The following WWOX variants were observed in gnomAD, a reference collection of about 807,000 sequenced individuals.
The protein encoded by WWOX is WW domain-containing oxidoreductase.
Under a neutral mutation model 46.2 loss-of-function variants are expected in WWOX, and 69 were observed. The observed-to-expected ratio is 1.49, with a 90% confidence interval of 1.23 to 1.82. WWOX has a LOEUF of 1.82. Ranked by LOEUF, WWOX falls within the 40% of genes most tolerant of loss-of-function variation. WWOX has a pLI of 0.00. For synonymous variants in WWOX, 359 were observed against 202.6 expected (o/e 1.77, Z -6.56); for missense variants, 919 against 542.6 (o/e 1.69, Z -6.89).
chr16:78,624,992 C>T (rs563688464), intron 8 of WWOX, among the ~76,000 whole-genome samples: 1 of 152,140 alleles, frequency 6.6e-6, no homozygotes, highest in Non-Finnish European at 1.5e-5. Context: ...TCCCCGCTGA[C>T]CCTGAGTTCT....
Position 78,691,884 on chromosome 16 carries a change from G to A in WWOX, c.1056+259132G>A, listed in dbSNP as rs1285771287. On this transcript the variant is annotated intron_variant, in intron 8 of 8. Transcript: ENST00000566780. ...TCCCACATGTTGTGGGAGGGACCCAGGGGGAGGTAATTGAATCATGGGGCC... is the reference window on the plus strand; with the variant it reads ...TCCCACATGTTGTGGGAGGGACCCAAGGGGAGGTAATTGAATCATGGGGCC... Among the ~76,000 whole-genome samples, 4 of 152,288 alleles carry A rather than the reference G, an allele frequency of 2.6e-5. No individual in the cohort carries two copies. In the South Asian group the frequency reaches 8.3e-4, roughly 32 times the overall value.
At chr16:79,086,156 T>C (rs1272955962) in intron 8 of WWOX, among the ~76,000 whole-genome samples, 1 of 152,150 alleles carries the variant, frequency 6.6e-6, no homozygotes, top group Admixed American at 6.5e-5. Flanking sequence ...TTTAAACGGA[T>C]CACATTGCCA....
intron 8 of WWOX, among the ~76,000 whole-genome samples, chr16:78,981,105 C>T (rs570507794): frequency 1.3e-5 from 2 of 152,130 alleles, no homozygotes; most frequent in South Asian, 4.1e-4. Context: ...CTGTGGAGTC[C>T]CATGCCTTGG....
At chr16:78,770,213 T>C (rs1418209079) in intron 8 of WWOX, among the ~76,000 whole-genome samples, 3 of 151,940 alleles carry the variant, frequency 2.0e-5, no homozygotes, top group Non-Finnish European at 4.4e-5. Flanking sequence ...GAGTCGGGGT[T>C]GGTGGTGTGC....
At chr16:78,315,641 C>T (rs1025076377) in intron 5 of WWOX, among the ~76,000 whole-genome samples, 1 of 152,036 alleles carries the variant, frequency 6.6e-6, no homozygotes, top group South Asian at 2.1e-4. Context: ...CAGAGCAAGA[C>T]TGTCTCAAAA....
At chr16:79,089,490 C>A (rs142691061) in intron 8 of WWOX, among the ~76,000 whole-genome samples, 1 of 152,010 alleles carries the variant, frequency 6.6e-6, no homozygotes, top group Non-Finnish European at 1.5e-5. Flanking sequence ...CGCCACCACG[C>A]CTGGCTAATT....
intron 8 of WWOX, among the ~76,000 whole-genome samples, chr16:78,948,988 G>A (rs1383952928): frequency 6.6e-6 from 1 of 152,106 alleles, no homozygotes; most frequent in Non-Finnish European, 1.5e-5. Context: ...CTTTGAAGAT[G>A]GAGGGGGCAC....
chr16:79,201,927 T>A lies in WWOX; in HGVS notation c.1057-9681T>A, dbSNP rs139715921. Among the ~76,000 whole-genome samples, 445 of 152,340 alleles carry A rather than the reference T, an allele frequency of 2.9e-3. 4 individuals are homozygous for A. The highest frequency in any genetic ancestry group is 0.022 in the Admixed American group (342 of 15,300). ...AAAGAAGAATTTTCATTTGATCAAA[T>A]CATTTCCATGATCCATCAAACACAC... On this transcript the variant is annotated intron_variant, in intron 8 of 8. Transcript: ENST00000566780.
chr16:78,774,532 GC>G lies in WWOX; in HGVS notation c.1056+341781del, dbSNP rs2050142727. ...TGTGTGTGTGTGTGTGTGTGTGTGT[GC>G]GCGTGCGCACACGCATGAGCCTGTA... On this transcript the variant is annotated intron_variant, in intron 8 of 8. Transcript: ENST00000566780. Among the ~76,000 whole-genome samples, 4 of 92,236 alleles carry G rather than the reference GC, an allele frequency of 4.3e-5. No homozygotes were observed. In the South Asian group the frequency reaches 1.5e-3, roughly 34 times the overall value. 60.5% of individuals were successfully genotyped at this position (92,236 alleles called of 152,430 possible). A position where few individuals can be genotyped will look rare whatever the true frequency, so the allele number is the denominator to read the frequency against.
intron 8 of WWOX, among the ~76,000 whole-genome samples, chr16:78,917,196 T>G (rs1239181049): frequency 6.6e-6 from 1 of 152,154 alleles, no homozygotes; most frequent in Non-Finnish European, 1.5e-5. Context: ...CTGGCAAGTC[T>G]TGGGTCACAT....
At chr16:78,420,495 C>T (rs1198153876) in intron 6 of WWOX, among the ~76,000 whole-genome samples, 1 of 152,056 alleles carries the variant, frequency 6.6e-6, no homozygotes, top group Non-Finnish European at 1.5e-5. Flanking sequence ...AAACATCATG[C>T]CAAGGGACAG....
intron 8 of WWOX, among the ~76,000 whole-genome samples, chr16:78,638,573 C>T (rs575324568): frequency 2.6e-5 from 4 of 152,260 alleles, no homozygotes; most frequent in Non-Finnish European, 5.9e-5. Flanking sequence ...AATTGACTCT[C>T]ATAGAATGTG....
At chr16:78,112,419 CAT>C (rs3039601) in intron 3 of WWOX, among the ~76,000 whole-genome samples, 7,497 of 152,152 alleles carry the variant, frequency 0.049, 247 homozygotes, top group African/African-American at 0.097. Flanking sequence ...GTTCAAATGA[CAT>C]GTGTGTTTTT....
At chr16:78,738,866 C>T (rs955754634) in intron 8 of WWOX, among the ~76,000 whole-genome samples, 2 of 152,124 alleles carry the variant, frequency 1.3e-5, no homozygotes, top group Non-Finnish European at 1.5e-5. Context: ...TCCCTTAAGC[C>T]ACATTCCATT....
At chr16:79,073,560 G>C (rs949345233) in intron 8 of WWOX, among the ~76,000 whole-genome samples, 8 of 152,188 alleles carry the variant, frequency 5.3e-5, no homozygotes, top group Non-Finnish European at 2.9e-5. Flanking sequence ...CGTAGACTTT[G>C]TTTCATTTTA....
chr16:78,967,957 T>C (rs922761108), intron 8 of WWOX, among the ~76,000 whole-genome samples: 2 of 152,228 alleles, frequency 1.3e-5, no homozygotes, highest in African/African-American at 4.8e-5. Context: ...TCTGTGTTTA[T>C]ACTTCTCATT....
intron 8 of WWOX, among the ~76,000 whole-genome samples, chr16:78,744,169 C>T (rs770742901): frequency 1.3e-5 from 2 of 152,030 alleles, no homozygotes; most frequent in South Asian, 2.1e-4. Context: ...TCAGAAGGTC[C>T]GTAAAGGTGG....
intron 8 of WWOX, among the ~76,000 whole-genome samples, chr16:78,753,860 A>ATATATATATG (rs1395877398): frequency 8.0e-6 from 1 of 125,578 alleles, no homozygotes; most frequent in East Asian, 2.4e-4. Context: ...ATATATGTAT[A>ATATATATATG]TGTATATGTA....
At chr16:78,484,271 T>C (rs997145236) in intron 8 of WWOX, among the ~76,000 whole-genome samples, 4 of 152,246 alleles carry the variant, frequency 2.6e-5, no homozygotes, top group Non-Finnish European at 5.9e-5. Context: ...TAAAGTACTA[T>C]ACATTTGTCT....
Sources: allele counts gnomAD v4.1 joint callset (sites outside exome capture counted in the v4.1 genomes callset), GRCh38; gene constraint gnomAD v4.1.1; transcripts MANE v1.5; gene names NCBI Gene and HGNC (gene_info 2026-07-23, HGNC 2026-07-21).